Variants in STX2 observed in about 807,000 individuals in gnomAD.
STX2 encodes the protein syntaxin-2.
Under a neutral mutation model 40.6 loss-of-function variants are expected in STX2, and 27 were observed. The ratio of observed to expected loss-of-function variants is 0.66; its 90% CI spans 0.49 to 0.92. The LOEUF (loss-of-function observed/expected upper bound fraction) is 0.92. Ranked by LOEUF, STX2 falls within the 40% of genes least tolerant of loss-of-function variation. STX2 has a pLI of 0.00. For missense variants in STX2, 328 were observed against 366.1 expected (o/e 0.90, Z 0.85); for synonymous variants, 123 against 119.1 (o/e 1.03, Z -0.22).
chr12:130,827,131 G>T, intron 2 of STX2, 62 bp downstream of exon 2: 1 of 699,212 alleles, frequency 1.4e-6, no homozygotes, highest in Non-Finnish European at 2.2e-6. Flanking sequence ...GGAGGGAGGG[G>T]TGGGGGGAGG....
intron 3 of STX2, among the ~76,000 whole-genome samples, chr12:130,814,796 C>A (rs549485113): frequency 6.6e-6 from 1 of 152,072 alleles, no homozygotes; most frequent in Non-Finnish European, 1.5e-5. Flanking sequence ...GCCACCACAC[C>A]CAGCTAATTT....
intron 10 of STX2, among the ~76,000 whole-genome samples, chr12:130,794,318 T>A (rs1047381570): frequency 6.6e-6 from 1 of 150,422 alleles, no homozygotes; most frequent in Non-Finnish European, 1.5e-5. Flanking sequence ...CTAATAAAAA[T>A]AGACGGTAAG....
At position 130,833,099 on chromosome 12, in the gene STX2, T is replaced by C. The variant is rs73459529; in HGVS notation, c.31-5832A>G. Among the ~76,000 whole-genome samples the C allele has an allele frequency of 4.4e-3, 670 of 152,298 alleles. 10 individuals are homozygous for C. Among genetic ancestry groups the C allele is most frequent in the African/African-American group, 0.016 (647 of 41,550 alleles). ...TTCTGTCTTTTCACAACCCAGGCAT[T>C]CTGCCCACAGCAGTGCCTGGCACCC... On this transcript the variant is annotated intron_variant, in intron 1 of 10. Transcript: ENST00000392373.
intron 9 of STX2, among the ~76,000 whole-genome samples, chr12:130,797,001 G>A (rs192873932): frequency 3.9e-4 from 60 of 152,324 alleles, no homozygotes; most frequent in Middle Eastern, 3.4e-3. Flanking sequence ...GCATTTGAGC[G>A]GCAAGGGGAC....
At chr12:130,795,922 A>G (rs1951015108) in intron 10 of STX2, 73 bp downstream of exon 10, 3 of 1,492,988 alleles carry the variant, frequency 2.0e-6, no homozygotes, top group Non-Finnish European at 2.7e-6. Flanking sequence ...TTTTATGTCT[A>G]TTACAATTAA....
chr12:130,797,199 C>G (rs1210258936), intron 9 of STX2, among the ~76,000 whole-genome samples: 1 of 152,212 alleles, frequency 6.6e-6, no homozygotes, highest in East Asian at 1.9e-4. Context: ...CCACCTTCCC[C>G]CTTTGTAAAA....
At chr12:130,807,315 T>C (rs1951473552) in intron 5 of STX2, among the ~76,000 whole-genome samples, 1 of 152,196 alleles carries the variant, frequency 6.6e-6, no homozygotes. Context: ...CAACCCTACT[T>C]AAAGAAAACC....
chr12:130,809,014 G>C (rs1951546586), intron 4 of STX2, among the ~76,000 whole-genome samples: 1 of 152,148 alleles, frequency 6.6e-6, no homozygotes, highest in Non-Finnish European at 1.5e-5. Context: ...TTACAGGCGT[G>C]TGCCACCACA....
At chr12:130,812,450 T>C in intron 4 of STX2, 1 of 413,912 alleles carries the variant, frequency 2.4e-6, no homozygotes, top group Non-Finnish European at 4.8e-6. Flanking sequence ...AAACCTGCCG[T>C]AATAAAAGTA....
chr12:130,814,576 A>G (rs942724836), intron 3 of STX2, among the ~76,000 whole-genome samples: 1 of 150,760 alleles, frequency 6.6e-6, no homozygotes, highest in Non-Finnish European at 1.5e-5. Flanking sequence ...ACCAGTCAGC[A>G]CTGAAGGTTT....
chr12:130,791,597 A>T lies in STX2; in HGVS notation c.*426T>A, dbSNP rs1202866526. 4.3e-6 allele frequency: 1 copy of T among 234,614 alleles called. No individual in the cohort carries two copies. Among genetic ancestry groups the T allele is most frequent in the Non-Finnish European group, 8.2e-6 (1 of 122,574 alleles). The allele number at this position is 234,614 out of a possible 1,614,324, so 14.5% of individuals were successfully genotyped here. On this transcript the variant is annotated 3_prime_UTR_variant, in exon 11 of 11. Coordinates refer to ENST00000392373, the MANE Select transcript of STX2 (RefSeq NM_194356.4). The stretch of plus-strand genomic sequence containing the variant: ...TTAAACTTCATGCACATTTGTTAAC[A>T]CTGAAATATTTTTAATATTAAAATG...
At chr12:130,836,810 A>G (rs1385117631) in intron 1 of STX2, among the ~76,000 whole-genome samples, 1 of 152,230 alleles carries the variant, frequency 6.6e-6, no homozygotes. Flanking sequence ...GAGAAACTCC[A>G]TGAGTGGAAA....
chr12:130,801,014 T>C (rs907214328), intron 8 of STX2, 139 bp downstream of exon 8: 5 of 906,870 alleles, frequency 5.5e-6, no homozygotes, highest in Non-Finnish European at 8.0e-6. Context: ...CAGCATCACA[T>C]ATAACACTGC....
chr12:130,791,680 T>C lies in STX2; in HGVS notation c.*343A>G, dbSNP rs955934003. ...GAAGTCTCACACTGCTCACATTCTG[T>C]AGTGTGTCATTCAGGGTCACGCATC... On this transcript the variant is annotated 3_prime_UTR_variant, in exon 11 of 11. Coordinates refer to ENST00000392373, the MANE Select transcript of STX2 (RefSeq NM_194356.4). 5 of 497,612 alleles carry C rather than the reference T, an allele frequency of 1.0e-5. No homozygotes were observed. The highest frequency in any genetic ancestry group is 4.0e-5 in the African/African-American group (2 of 50,424). The allele number at this position is 497,612 out of a possible 1,614,324, so 30.8% of individuals were successfully genotyped here.
chr12:130,814,748 T>C (rs1187752941), intron 3 of STX2, among the ~76,000 whole-genome samples: 3 of 149,552 alleles, frequency 2.0e-5, no homozygotes, highest in African/African-American at 7.4e-5. Flanking sequence ...GCGATTCTCC[T>C]GCCTCAGCCT....
intron 4 of STX2, among the ~76,000 whole-genome samples, chr12:130,808,922 AG>A (rs1319962355): frequency 6.6e-6 from 1 of 152,238 alleles, no homozygotes; most frequent in Non-Finnish European, 1.5e-5. Flanking sequence ...GCTGCAGTGC[AG>A]GGGCACAATC....
intron 6 of STX2, among the ~76,000 whole-genome samples, chr12:130,803,678 AAAAAAAAAAAAC>A (rs1951315113): frequency 8.4e-6 from 1 of 119,718 alleles, no homozygotes; most frequent in Non-Finnish European, 1.7e-5. Context: ...AAAAAAAAAA[AAAAAAAAAAAAC>A]AAACTAAAAG....
chr12:130,807,184 T>C (rs1372407641), intron 5 of STX2, 94 bp from the exon 6 acceptor site: 8 of 1,176,648 alleles, frequency 6.8e-6, no homozygotes, highest in East Asian at 4.8e-5. Context: ...TCAAACTACA[T>C]GTTATTCTGC....
Position 130,798,554 on chromosome 12 carries a change from CTT to C in STX2, c.755_756del (p.Lys252SerfsTer111), listed in dbSNP as rs777683300. On this transcript the variant is annotated frameshift_variant, in exon 9 of 11. Coordinates refer to ENST00000392373, the MANE Select transcript of STX2 (RefSeq NM_194356.4). LOFTEE classifies it high-confidence loss of function. ...YVEHAKEETK[K>X]AIKYQSKARR... The stretch of plus-strand genomic sequence containing the variant: ...CTTGCCTTGCTCTGATATTTGATAG[CTT>C]TTTTTGTTTCTTCTTTAGCGTGTTC... 6.2e-7 allele frequency: 1 copy of C among 1,604,946 alleles called. No individual in the cohort carries two copies. The highest frequency in any genetic ancestry group is 1.3e-5 in the African/African-American group (1 of 74,398).
Sources: gnomAD v4.1 joint callset for allele counts (sites outside exome capture counted in the v4.1 genomes callset) on GRCh38, gnomAD v4.1.1 for gene constraint, MANE v1.5 for transcripts, NCBI Gene and HGNC (gene_info 2026-07-23, HGNC 2026-07-21) for gene names.